TSHZ2: variants seen among roughly 807,000 people sequenced by gnomAD.
TSHZ2 encodes teashirt zinc finger homeobox 2.
Under a neutral mutation model 74.4 loss-of-function variants are expected in TSHZ2, and 21 were observed. The ratio of observed to expected loss-of-function variants is 0.28; its 90% CI spans 0.20 to 0.41. The LOEUF is 0.41. Among genes scored for constraint, TSHZ2 ranks in the 10% least tolerant of loss-of-function variants. TSHZ2 has a pLI of 1.00. For missense variants in TSHZ2, 1,244 were observed against 1,293.5 expected (o/e 0.96, Z 0.59); for synonymous variants, 540 against 515.3 (o/e 1.05, Z -0.65).
chr20:53,307,629 CT>C (rs1978600058), intron 2 of TSHZ2, among the ~76,000 whole-genome samples: 1 of 152,080 alleles, frequency 6.6e-6, no homozygotes, highest in Non-Finnish European at 1.5e-5. Context: ...TTTTTTCTAA[CT>C]TTTTAAAAAA....
intron 2 of TSHZ2, among the ~76,000 whole-genome samples, chr20:53,429,397 C>T (rs1448844796): frequency 6.6e-6 from 1 of 152,220 alleles, no homozygotes; most frequent in East Asian, 1.9e-4. Flanking sequence ...GTGGGGGGAA[C>T]CCAGTGGGAG....
rs1299876482 is a variant in TSHZ2, at chr20:53,256,940, C to G, written c.*8+369C>G. On this transcript the variant is annotated intron_variant, in intron 2 of 2. Transcript: ENST00000371497. The surrounding 1 kb of genome is among the most constrained non-coding windows in gnomAD (Gnocchi z 4.3). Reference sequence around the variant, plus strand: ...TAACTTCTGTCACCATTCCATTTCACCACCCCACCTTTCCATAGCAATGCC... The same window carrying G: ...TAACTTCTGTCACCATTCCATTTCAGCACCCCACCTTTCCATAGCAATGCC... Among the ~76,000 whole-genome samples the G allele has an allele frequency of 1.3e-5, 2 of 152,160 alleles. No homozygotes were observed. The highest frequency in any genetic ancestry group is 2.4e-5 in the African/African-American group (1 of 41,432).
chr20:53,133,969 G>GA (rs3070080), intron 1 of TSHZ2, among the ~76,000 whole-genome samples: 35,866 of 127,770 alleles, frequency 0.28, 5,550 homozygotes, highest in East Asian at 0.71. Flanking sequence ...CATTTTTTCT[G>GA]AAAAAAAAAA....
chr20:53,317,474 G>T (rs1293621911), intron 2 of TSHZ2, among the ~76,000 whole-genome samples: 1 of 152,132 alleles, frequency 6.6e-6, no homozygotes, highest in African/African-American at 2.4e-5. Context: ...TTAAAATAAA[G>T]ACGTTATCTG....
chr20:53,242,219 C>T (rs544902807), intron 1 of TSHZ2, among the ~76,000 whole-genome samples: 1 of 152,156 alleles, frequency 6.6e-6, no homozygotes, highest in East Asian at 1.9e-4. Context: ...GCATCCCTGG[C>T]CTCTACCTGC....
chr20:53,401,425 A>G (rs979219596), intron 2 of TSHZ2, among the ~76,000 whole-genome samples: 1 of 151,528 alleles, frequency 6.6e-6, no homozygotes, highest in African/African-American at 2.4e-5. Context: ...GTTTTGGGGG[A>G]ACAGGTGGTG....
chr20:53,200,779 GAACA>G (rs1742437501), intron 1 of TSHZ2, among the ~76,000 whole-genome samples: 1 of 152,078 alleles, frequency 6.6e-6, no homozygotes, highest in Admixed American at 6.6e-5. Context: ...CAACACAAAT[GAACA>G]AACAAACAAG....
chr20:53,182,780 T>C (rs889702365), intron 1 of TSHZ2, among the ~76,000 whole-genome samples: 21 of 152,178 alleles, frequency 1.4e-4, no homozygotes, highest in Admixed American at 2.6e-4. Flanking sequence ...CCTCTGTAAT[T>C]CATTCTCTCT....
intron 1 of TSHZ2, chr20:53,185,825 T>C: frequency 9.6e-7 from 1 of 1,041,798 alleles, no homozygotes; most frequent in Non-Finnish European, 1.4e-6. Flanking sequence ...TTTAATTGAG[T>C]TTTTAAATGA....
At chr20:52,978,257 T>C (rs1981422129) in intron 1 of TSHZ2, among the ~76,000 whole-genome samples, 1 of 152,188 alleles carries the variant, frequency 6.6e-6, no homozygotes, top group African/African-American at 2.4e-5. Flanking sequence ...GAGCCTGGCA[T>C]TTTTTAAAGC....
At chr20:53,384,110 C>T (rs1356847476) in intron 2 of TSHZ2, among the ~76,000 whole-genome samples, 2 of 152,060 alleles carry the variant, frequency 1.3e-5, no homozygotes, top group Admixed American at 1.3e-4. Context: ...AATGCAAGAC[C>T]GGGGCCAAGG....
At chr20:53,382,735 A>T (rs1229649049) in intron 2 of TSHZ2, among the ~76,000 whole-genome samples, 1 of 152,194 alleles carries the variant, frequency 6.6e-6, no homozygotes, top group Non-Finnish European at 1.5e-5. Flanking sequence ...TCTGAAGATG[A>T]ATTAATAGTA....
At chr20:52,985,783 CG>C (rs1568705286) in intron 1 of TSHZ2, among the ~76,000 whole-genome samples, 2 of 152,116 alleles carry the variant, frequency 1.3e-5, no homozygotes, top group African/African-American at 4.8e-5. Context: ...CATGTCTCTA[CG>C]GGGAAAGGTT....
At chr20:53,302,001 C>T (rs1031718528) in intron 2 of TSHZ2, among the ~76,000 whole-genome samples, 2 of 152,068 alleles carry the variant, frequency 1.3e-5, no homozygotes, top group Non-Finnish European at 2.9e-5. Flanking sequence ...CCAGGGAGGC[C>T]GCGGGGAGTG....
At chr20:53,080,080 A>G (rs1429558375) in intron 1 of TSHZ2, among the ~76,000 whole-genome samples, 1 of 152,204 alleles carries the variant, frequency 6.6e-6, no homozygotes, top group Non-Finnish European at 1.5e-5. Context: ...CCGAAAAGCA[A>G]TTATGTAGAA....
chr20:53,066,771 G>A (rs927409539), intron 1 of TSHZ2, among the ~76,000 whole-genome samples: 1 of 152,192 alleles, frequency 6.6e-6, no homozygotes, highest in East Asian at 1.9e-4. Flanking sequence ...CTCCCAAAGT[G>A]TTGGGATTAC....
At chr20:53,058,248 T>C (rs4571109) in intron 1 of TSHZ2, among the ~76,000 whole-genome samples, 89,950 of 152,088 alleles carry the variant, frequency 0.59, 28,586 homozygotes, top group African/African-American at 0.83. Flanking sequence ...CGTACTGGTA[T>C]GGGTCTGTAG....
intron 2 of TSHZ2, among the ~76,000 whole-genome samples, chr20:53,278,686 T>C (rs1990992075): frequency 6.6e-6 from 1 of 152,224 alleles, no homozygotes; most frequent in South Asian, 2.1e-4. Flanking sequence ...TTTCTTATCA[T>C]TTAAATATCA....
At position 53,254,277 on chromosome 20, in the gene TSHZ2, G is replaced by T; in HGVS notation, c.819G>T (p.Lys273Asn). 1 of 1,614,114 alleles carries T rather than the reference G, an allele frequency of 6.2e-7. No individual in the cohort carries two copies. The highest frequency in any genetic ancestry group is 8.5e-7 in the Non-Finnish European group (1 of 1,180,008). Residue 273 changes from lysine to asparagine, a missense_variant, in exon 2 of 3, where the codon AAG (lysine) becomes AAT (asparagine). This residue lies in a region of TSHZ2 where 470 missense variants were observed against 456.5 expected (regional missense o/e 1.03). Transcript: ENST00000371497. ...FQDMDKEDAQKVLKCMFCGDS... is the reference protein window; with the variant it reads ...FQDMDKEDAQNVLKCMFCGDS... ...ATATGGACAAAGAGGATGCTCAAAAGGTTCTGAAATGTATGTTTTGTGGCG... is the reference window on the plus strand; with the variant it reads ...ATATGGACAAAGAGGATGCTCAAAATGTTCTGAAATGTATGTTTTGTGGCG...
Sources: allele counts gnomAD v4.1 joint callset (sites outside exome capture counted in the v4.1 genomes callset), GRCh38; gene constraint gnomAD v4.1.1; regional missense constraint gnomAD v4.1.1; non-coding constraint Gnocchi (gnomAD v3.1); transcripts MANE v1.5; gene names NCBI Gene and HGNC (gene_info 2026-07-23, HGNC 2026-07-21).